Variants in XYLT1 observed in about 807,000 individuals in gnomAD.
XYLT1 encodes the protein xylosyltransferase 1.
Under a neutral mutation model 91.3 loss-of-function variants are expected in XYLT1, and 36 were observed. The ratio of observed to expected loss-of-function variants is 0.39; its 90% confidence interval spans 0.30 to 0.52. The LOEUF is 0.52. XYLT1 is among the 20% of genes least tolerant of loss of function. The probability of loss-of-function intolerance (pLI) is 0.68; values close to 1 mark genes in which losing one functional copy is unlikely to be tolerated. For missense variants in XYLT1, 1,242 were observed against 1,284.5 expected (o/e 0.97, Z 0.51); for synonymous variants, 588 against 532.0 (o/e 1.11, Z -1.45).
chr16:17,452,314 T>C (rs1288266967), intron 1 of XYLT1, among the ~76,000 whole-genome samples: 2 of 145,658 alleles, frequency 1.4e-5, no homozygotes, highest in Non-Finnish European at 3.0e-5. Context: ...TCTTTTTTTT[T>C]TTTTTTTTGT....
At chr16:17,130,173 A>G (rs968877561) in intron 9 of XYLT1, among the ~76,000 whole-genome samples, 1 of 152,242 alleles carries the variant, frequency 6.6e-6, no homozygotes, top group Non-Finnish European at 1.5e-5. Context: ...AGGACCACAG[A>G]GCCACCTCCC....
chr16:17,119,989 T>G (rs555895465), intron 10 of XYLT1, among the ~76,000 whole-genome samples: 3 of 152,242 alleles, frequency 2.0e-5, no homozygotes, highest in African/African-American at 7.2e-5. Flanking sequence ...GACTAAAGAT[T>G]AGGACTAAGA....
At chr16:17,276,405 G>A (rs2033975114) in intron 2 of XYLT1, among the ~76,000 whole-genome samples, 1 of 152,210 alleles carries the variant, frequency 6.6e-6, no homozygotes, top group African/African-American at 2.4e-5. Context: ...AGGAATCAAA[G>A]TGACAGCAGT....
intron 2 of XYLT1, among the ~76,000 whole-genome samples, chr16:17,321,979 T>A (rs573272144): frequency 1.3e-5 from 2 of 152,290 alleles, no homozygotes; most frequent in African/African-American, 4.8e-5. Context: ...AGGGAACTTA[T>A]CATCACTGAG....
At position 17,246,459 on chromosome 16, in the gene XYLT1, TCCACATTTACTAAGGGTA is replaced by T. The variant is rs1344996679; in HGVS notation, c.913+12511_913+12528del. Among the ~76,000 whole-genome samples, 4 of 152,300 alleles carry T rather than the reference TCCACATTTACTAAGGGTA, an allele frequency of 2.6e-5. No individual in the cohort carries two copies. The South Asian group carries it at 8.3e-4, about 32-fold the overall frequency. Reference sequence around the variant, plus strand: ...AGATCAGTCATTTAACACATCTGGTTCCACATTTACTAAGGGTACCACAGAGCAGACAAGTTAAGGTGT... The same window carrying T: ...AGATCAGTCATTTAACACATCTGGTTCCACAGAGCAGACAAGTTAAGGTGT... On this transcript the variant is annotated intron_variant, in intron 3 of 11. Coordinates refer to ENST00000261381, the MANE Select transcript of XYLT1 (RefSeq NM_022166.4).
chr16:17,298,552 C>T (rs1467734876), intron 2 of XYLT1, among the ~76,000 whole-genome samples: 1 of 152,090 alleles, frequency 6.6e-6, no homozygotes, highest in South Asian at 2.1e-4. Context: ...CTCTGTGAAG[C>T]GTAAGGATGG....
intron 1 of XYLT1, among the ~76,000 whole-genome samples, chr16:17,398,460 C>T (rs367794387): frequency 3.9e-4 from 59 of 152,108 alleles, no homozygotes; most frequent in African/African-American, 8.9e-4. Flanking sequence ...CAGGTGGAGA[C>T]GTGGATTTAA....
At position 17,127,788 on chromosome 16, in the gene XYLT1, T is replaced by G; in HGVS notation, c.2101A>C (p.Lys701Gln). The G allele has an allele frequency of 6.2e-7, 1 of 1,614,136 alleles. No individual in the cohort carries two copies. The highest frequency in any genetic ancestry group is 8.5e-7 in the Non-Finnish European group (1 of 1,180,020). Residue 701 changes from lysine (K) to glutamine (Q), a missense_variant, in exon 10 of 12, where the codon AAG becomes CAG. Physicochemically the swap from Lys to Gln is moderately conservative, Grantham distance 53. Coordinates refer to ENST00000261381, the MANE Select transcript of XYLT1 (RefSeq NM_022166.4). ...ACAGCCAGATTGGTAGCATGATGCT[T>G]GATCAGAAAGCCCTGGAAGCGGTCA... ...LADRFQGFLI[K>Q]HHATNLAVSK...
At chr16:17,399,448 T>C (rs973145266) in intron 1 of XYLT1, among the ~76,000 whole-genome samples, 1 of 152,148 alleles carries the variant, frequency 6.6e-6, no homozygotes, top group Non-Finnish European at 1.5e-5. Context: ...TCCCTCCTCA[T>C]TACACTGTGG....
At chr16:17,417,477 A>G (rs1255899612) in intron 1 of XYLT1, among the ~76,000 whole-genome samples, 1 of 151,418 alleles carries the variant, frequency 6.6e-6, no homozygotes, top group Admixed American at 6.6e-5. Flanking sequence ...ACGCGACTTA[A>G]CCTTCCCATT....
At position 17,117,783 on chromosome 16, in the gene XYLT1, T is replaced by C. The variant is rs1567279394; in HGVS notation, c.2420A>G (p.His807Arg). ...ILIESTAEFT[H>R]YKPPLNLPLR... ...GGGCAAGTTCAAAGGGGGCTTGTAG[T>C]GTGTGAATTCGGCAGTGGACTCAAT... Residue 807 changes from histidine (H) to arginine (R), a missense_variant, in exon 11 of 12, where the codon CAC becomes CGC. Transcript: ENST00000261381. 1.2e-6 allele frequency: 2 copies of C among 1,614,134 alleles called. No homozygotes were observed. The highest frequency in any genetic ancestry group is 1.7e-6 in the Non-Finnish European group (2 of 1,180,024).
intron 2 of XYLT1, among the ~76,000 whole-genome samples, chr16:17,329,555 T>TC (rs1247275965): frequency 2.0e-5 from 3 of 152,224 alleles, no homozygotes; most frequent in Middle Eastern, 3.4e-3. Flanking sequence ...CCCACCCTTT[T>TC]CCCCTCTCAT....
intron 1 of XYLT1, among the ~76,000 whole-genome samples, chr16:17,395,678 A>G (rs2035875454): frequency 1.3e-5 from 2 of 152,250 alleles, no homozygotes; most frequent in African/African-American, 2.4e-5. Flanking sequence ...AACTGAAGCC[A>G]AACTTCTAAA....
chr16:17,248,745 A>ATTTTTTTTT (rs1045404682), intron 3 of XYLT1, among the ~76,000 whole-genome samples: 2 of 127,030 alleles, frequency 1.6e-5, no homozygotes, highest in African/African-American at 3.0e-5. Context: ...TTACATGTGA[A>ATTTTTTTTT]TTTTTTTTTT....
intron 3 of XYLT1, among the ~76,000 whole-genome samples, chr16:17,201,241 T>C (rs566207865): frequency 6.6e-6 from 1 of 152,322 alleles, no homozygotes; most frequent in South Asian, 2.1e-4. Context: ...CATCATCCAA[T>C]ACCTTTTGTG....
intron 5 of XYLT1, among the ~76,000 whole-genome samples, chr16:17,178,652 A>G (rs960794011): frequency 2.0e-5 from 3 of 152,254 alleles, no homozygotes; most frequent in Non-Finnish European, 2.9e-5. Context: ...ACTGGAACAC[A>G]GTCATACCCA....
chr16:17,152,765 A>G (rs1048267307), intron 6 of XYLT1, among the ~76,000 whole-genome samples: 9 of 152,168 alleles, frequency 5.9e-5, no homozygotes, highest in African/African-American at 2.2e-4. Context: ...CAGAGAAGAG[A>G]GAGAAACTTC....
chr16:17,424,700 T>C (rs2036291157), intron 1 of XYLT1, among the ~76,000 whole-genome samples: 2 of 151,974 alleles, frequency 1.3e-5, no homozygotes, highest in South Asian at 4.2e-4. Context: ...AAACCCCGTC[T>C]TTACTAAAAA....
intron 1 of XYLT1, among the ~76,000 whole-genome samples, chr16:17,397,693 GC>G (rs1394557878): frequency 2.0e-5 from 3 of 152,168 alleles, no homozygotes; most frequent in African/African-American, 7.2e-5. Flanking sequence ...CCTAGGGATA[GC>G]CATCTGGTGA....
Sources: allele counts gnomAD v4.1 joint callset (sites outside exome capture counted in the v4.1 genomes callset), GRCh38; gene constraint gnomAD v4.1.1; transcripts MANE v1.5; gene names NCBI Gene and HGNC (gene_info 2026-07-23, HGNC 2026-07-21).